The following NAP1L4 variants were observed in gnomAD, a reference collection of about 807,000 sequenced individuals.
The protein encoded by NAP1L4 is nucleosome assembly protein 1 like 4, also known as nucleosome assembly protein 1-like 4.
A neutral mutation model predicts 58.2 loss-of-function variants in NAP1L4; 15 were observed. The observed-to-expected ratio is 0.26, with a 90% CI of 0.17 to 0.40. The LOEUF (loss-of-function observed/expected upper bound fraction) is 0.40, where lower values mean the gene tolerates loss of function less well. Ranked by LOEUF, NAP1L4 falls within the 10% of genes least tolerant of loss-of-function variation. The pLI is 1.00. For synonymous variants in NAP1L4, 171 were observed against 155.6 expected, an observed-to-expected ratio of 1.10 and a Z score of -0.74; for missense variants, 384 against 451.1, an observed-to-expected ratio of 0.85 and a Z score of 1.35.
At chr11:2,978,714 G>C (rs1285050312) in intron 2 of NAP1L4, among the ~76,000 whole-genome samples, 1 of 152,212 alleles carries the variant, frequency 6.6e-6, no homozygotes, top group Non-Finnish European at 1.5e-5. Context: ...CATGTGATCA[G>C]AGCAAGGCAG....
At chr11:2,979,127 ATTAT>A in intron 2 of NAP1L4, 76 bp downstream of exon 2, 1 of 1,399,036 alleles carries the variant, frequency 7.1e-7, no homozygotes, top group Non-Finnish European at 1.0e-6. Flanking sequence ...TTTGATTCTA[ATTAT>A]TTATTGAAAA....
chr11:2,974,267 T>C (rs1043866141), intron 4 of NAP1L4, among the ~76,000 whole-genome samples: 2 of 152,228 alleles, frequency 1.3e-5, no homozygotes, highest in Admixed American at 1.3e-4. Flanking sequence ...TTAAACAAAC[T>C]GGACCCTAGT....
At chr11:2,967,606 G>GC (rs1345878102) in intron 7 of NAP1L4, among the ~76,000 whole-genome samples, 2 of 131,660 alleles carry the variant, frequency 1.5e-5, no homozygotes, top group African/African-American at 6.2e-5. Flanking sequence ...GCGAGACTCC[G>GC]TTAAAAAAAA....
At chr11:2,984,166 C>CAA (rs35188952) in intron 1 of NAP1L4, among the ~76,000 whole-genome samples, 52 of 80,446 alleles carry the variant, frequency 6.5e-4, no homozygotes, top group Middle Eastern at 8.1e-3. Context: ...GACCCTGCCT[C>CAA]AAAAAAAAAA....
intron 12 of NAP1L4, chr11:2,952,831 C>T (rs965209952): frequency 6.6e-6 from 1 of 152,278 alleles, no homozygotes; most frequent in African/African-American, 2.4e-5. Context: ...CCAGATGCAT[C>T]ACCCACCTGG....
chr11:2,977,278 CAG>C (rs574317196), intron 3 of NAP1L4, among the ~76,000 whole-genome samples: 83 of 152,338 alleles, frequency 5.4e-4, no homozygotes, highest in African/African-American at 1.9e-3. Flanking sequence ...ACCTTGGTAA[CAG>C]AGAAGTCTGG....
Position 2,951,979 on chromosome 11 carries a change from G to C in NAP1L4, c.1036-170C>G. ...GAGGAGCCATTTGCTTGTGTGCAGC[G>C]CATTTTAAAAGCATGCCAGGAAATT... On this transcript the variant is annotated intron_variant, in intron 12 of 15. Transcript: ENST00000380542. This position sits in a 1 kb window ranked among gnomAD's most constrained non-coding sequence, Gnocchi z 4.0. The C allele has an allele frequency of 1.5e-6, 1 of 661,882 alleles. No homozygotes were observed. The highest frequency in any genetic ancestry group is 2.5e-5 in the Admixed American group (1 of 39,868). The allele number at this position is 661,882 out of a possible 1,614,324, so 41.0% of individuals were successfully genotyped here. A position where few individuals can be genotyped will look rare whatever the true frequency, so the allele number is the denominator to read the frequency against.
Position 2,954,583 on chromosome 11 carries a change from T to C in NAP1L4, c.979A>G (p.Ile327Val). The C allele has an allele frequency of 6.2e-7, 1 of 1,614,188 alleles. No individual in the cohort carries two copies. Residue 327 changes from isoleucine (I) to valine (V), a missense_variant, in exon 12 of 16, where the codon ATA becomes GTA. Around this residue, in one of 3 missense-constraint regions of NAP1L4, gnomAD observed 296 missense variants for 360.8 expected, o/e 0.82. Transcript: ENST00000380542. The surrounding 1 kb of genome is among the most constrained non-coding windows in gnomAD (Gnocchi z 4.8). Reference protein sequence around the residue: ...FEIGHFFRERIVPRAVLYFTG... With the variant: ...FEIGHFFRERVVPRAVLYFTG... ...AAGTACAGCACAGCCCGCGGGACTA[T>C]CCGCTCACGGAAAAAGTGTCCAATT...
In NAP1L4 at chr11:2,955,783, C is replaced by CA; in HGVS notation, c.893-18dup. 2 of 1,610,982 alleles carry CA rather than the reference C, an allele frequency of 1.2e-6. No homozygotes were observed. The highest frequency in any genetic ancestry group is 1.7e-6 in the Non-Finnish European group (2 of 1,178,000). On this transcript the variant is annotated splice_polypyrimidine_tract_variant and intron_variant, in intron 10 of 15. Coordinates refer to ENST00000380542, the MANE Select transcript of NAP1L4 (RefSeq NM_005969.4). This position sits in a 1 kb window ranked among gnomAD's most constrained non-coding sequence, Gnocchi z 4.2. ...CCCCGGATGCTAGAAAAAGAAAAGA[C>CA]AAAACATATTTAAATTACAGTGACA...
chr11:2,975,206 T>C (rs1057212249), intron 4 of NAP1L4, among the ~76,000 whole-genome samples: 1 of 151,292 alleles, frequency 6.6e-6, no homozygotes, highest in African/African-American at 2.4e-5. Flanking sequence ...TAGTTCCAAC[T>C]ACTCTGGAGG....
intron 7 of NAP1L4, among the ~76,000 whole-genome samples, chr11:2,969,407 A>G (rs762257575): frequency 2.6e-5 from 4 of 151,920 alleles, no homozygotes; most frequent in African/African-American, 9.7e-5. Flanking sequence ...ATCCCTTCAA[A>G]ATTCATTCTG....
intron 9 of NAP1L4, 185 bp from the exon 10 acceptor site, chr11:2,958,729 C>T: frequency 3.3e-6 from 2 of 600,572 alleles, no homozygotes; most frequent in East Asian, 5.6e-5. Flanking sequence ...CAGCCTGGTC[C>T]TCTTTCAACT....
Position 2,951,710 on chromosome 11 carries a change from C to T in NAP1L4, c.1065+70G>A, listed in dbSNP as rs1298471805. The T allele has an allele frequency of 1.3e-6, 2 of 1,520,286 alleles. No individual in the cohort carries two copies. Among genetic ancestry groups the T allele is most frequent in the East Asian group, 2.3e-5 (1 of 44,422 alleles). 94.2% of individuals were successfully genotyped at this position (1,520,286 alleles called of 1,614,324 possible). A position where few individuals can be genotyped will look rare whatever the true frequency, so the allele number is the denominator to read the frequency against. Reference sequence around the variant, plus strand: ...TTAACACAGCCCTGTGAGTCCATAACCTTCAAGCAGAGAAAGCCAAAGAAA... The same window carrying T: ...TTAACACAGCCCTGTGAGTCCATAATCTTCAAGCAGAGAAAGCCAAAGAAA... On this transcript the variant is annotated intron_variant, in intron 13 of 15. Coordinates refer to ENST00000380542, the MANE Select transcript of NAP1L4 (RefSeq NM_005969.4). The surrounding 1 kb of genome is among the most constrained non-coding windows in gnomAD (Gnocchi z 4.0).
intron 9 of NAP1L4, chr11:2,958,765 C>A: frequency 1.8e-6 from 1 of 554,796 alleles, no homozygotes; most frequent in Non-Finnish European, 3.2e-6. Flanking sequence ...GAACTTCAGA[C>A]TTCTGGAACA....
At chr11:2,965,138 A>C (rs1847185273) in intron 7 of NAP1L4, among the ~76,000 whole-genome samples, 1 of 152,256 alleles carries the variant, frequency 6.6e-6, no homozygotes, top group Non-Finnish European at 1.5e-5. Context: ...CTGAGGAGAA[A>C]GAGCAGAAGC....
rs1444314776 is a variant in NAP1L4 at position 2,948,293 on chromosome 11, C to A, written c.*32+934G>T. Among the ~76,000 whole-genome samples the A allele has an allele frequency of 6.6e-6, 1 of 152,166 alleles. No homozygotes were observed. The highest frequency in any genetic ancestry group is 1.5e-5 in the Non-Finnish European group (1 of 68,020). Reference sequence around the variant, plus strand: ...GACAGGGAGGCGGTGGCGCTAAGACCTCAAGGACGTCTGGTCTATGGGCTG... The same window carrying A: ...GACAGGGAGGCGGTGGCGCTAAGACATCAAGGACGTCTGGTCTATGGGCTG... On this transcript the variant is annotated intron_variant, in intron 15 of 15. Transcript: ENST00000380542. This position sits in a 1 kb window ranked among gnomAD's most constrained non-coding sequence, Gnocchi z 5.1.
intron 1 of NAP1L4, chr11:2,991,117 T>A (rs1394220185): frequency 2.2e-6 from 1 of 455,972 alleles, no homozygotes; most frequent in African/African-American, 2.0e-5. Context: ...ATGGCGGACC[T>A]TCCTGCCAGA....
chr11:2,979,184 A>C, intron 2 of NAP1L4, 23 bp downstream of exon 2: 1 of 1,607,558 alleles, frequency 6.2e-7, no homozygotes, highest in Non-Finnish European at 8.5e-7. Context: ...AAACTCCAAT[A>C]AACAAAGTCC....
At chr11:2,968,361 T>C (rs570274270) in intron 7 of NAP1L4, among the ~76,000 whole-genome samples, 141 of 152,334 alleles carry the variant, frequency 9.3e-4, no homozygotes, top group Admixed American at 2.0e-3. Flanking sequence ...TGGTAGACAT[T>C]ACTTAATTTT....
Sources: allele counts gnomAD v4.1 joint callset (sites outside exome capture counted in the v4.1 genomes callset), GRCh38; gene constraint gnomAD v4.1.1; regional missense constraint gnomAD v4.1.1; non-coding constraint Gnocchi (gnomAD v3.1); transcripts MANE v1.5; gene names NCBI Gene and HGNC (gene_info 2026-07-23, HGNC 2026-07-21).